The following PHF7 variants were observed in gnomAD, a reference collection of about 807,000 sequenced individuals.
PHF7 encodes E3 ubiquitin-protein ligase PHF7.
A neutral mutation model predicts 47.5 loss-of-function variants in PHF7; 24 were observed. That is an observed-to-expected ratio of 0.51 (90% CI 0.37 to 0.71). The LOEUF is 0.71. PHF7 is among the 30% of genes least tolerant of loss of function. PHF7 has a pLI of 0.00. For missense variants in PHF7, 361 were observed against 456.8 expected (o/e 0.79, Z 1.91); for synonymous variants, 156 against 153.8 (o/e 1.01, Z -0.11).
chr3:52,420,868 A>G, intron 6 of PHF7, 35 bp from the exon 7 acceptor site: 1 of 1,580,626 alleles, frequency 6.3e-7, no homozygotes, highest in Non-Finnish European at 8.6e-7. Context: ...TACATCAATG[A>G]CAAACCAGAA....
intron 10 of PHF7, 39 bp downstream of exon 10, chr3:52,422,920 G>C (rs1418439347): frequency 6.2e-7 from 1 of 1,613,004 alleles, no homozygotes; most frequent in Non-Finnish European, 8.5e-7. Context: ...GAGCAAGGAG[G>C]GGGCTGTAGG....
chr3:52,416,694 A>G (rs1298012508), intron 4 of PHF7, among the ~76,000 whole-genome samples: 2 of 151,266 alleles, frequency 1.3e-5, no homozygotes, highest in Non-Finnish European at 2.9e-5. Context: ...TTAGCCGGGC[A>G]TGGTGGCAGG....
At chr3:52,418,699 T>G (rs1057439796) in intron 4 of PHF7, among the ~76,000 whole-genome samples, 1 of 152,202 alleles carries the variant, frequency 6.6e-6, no homozygotes, top group African/African-American at 2.4e-5. Flanking sequence ...AATAGCCAGC[T>G]CTGCTCCTCC....
At chr3:52,420,654 TAGAC>T (rs1470286195) in intron 6 of PHF7, among the ~76,000 whole-genome samples, 5 of 152,204 alleles carry the variant, frequency 3.3e-5, no homozygotes, top group Admixed American at 1.3e-4. Flanking sequence ...CTGGGGTTCT[TAGAC>T]AGCTGCTCAG....
chr3:52,422,427 C>A, intron 9 of PHF7, 89 bp downstream of exon 9: 1 of 878,312 alleles, frequency 1.1e-6, no homozygotes, highest in Non-Finnish European at 1.9e-6. Flanking sequence ...AAGAAATTCA[C>A]TCTTGTATGC....
In PHF7 at chr3:52,420,438, G is replaced by A. The variant is rs113954162; in HGVS notation, c.413+3G>A. The A allele has an allele frequency of 6.2e-7, 1 of 1,614,036 alleles. No individual in the cohort carries two copies. Among genetic ancestry groups the A allele is most frequent in the Non-Finnish European group, 8.5e-7 (1 of 1,179,944 alleles). On this transcript the variant is annotated splice_donor_region_variant and intron_variant, in intron 6 of 10. Transcript: ENST00000327906. ...TCACAATTTTTTGGAGAGTACAAGT[G>A]AGTGAGGGAAGGGAAAAGTCTGGCT... is the stretch of plus-strand genomic sequence containing the variant.
intron 4 of PHF7, among the ~76,000 whole-genome samples, chr3:52,415,083 C>T (rs558909232): frequency 6.6e-6 from 1 of 152,290 alleles, no homozygotes; most frequent in East Asian, 1.9e-4. Context: ...AACAATGTTC[C>T]CAATCCTTCT....
At chr3:52,414,615 A>G (rs747411000) in intron 4 of PHF7, 28 bp downstream of exon 4, 2 of 1,319,988 alleles carry the variant, frequency 1.5e-6, no homozygotes, top group Admixed American at 3.4e-5. Flanking sequence ...TTTGCTTTGA[A>G]TATCCTATGG....
chr3:52,411,277 T>C (rs948632466), intron 1 of PHF7, 30 bp downstream of exon 1: 1 of 152,318 alleles, frequency 6.6e-6, no homozygotes, highest in African/African-American at 2.4e-5. Flanking sequence ...ATGGTCGGGG[T>C]AGCCCCAGTA....
chr3:52,412,677 T>G lies in PHF7; in HGVS notation c.-69-134T>G, dbSNP rs75798937. On this transcript the variant is annotated intron_variant, in intron 1 of 10. Coordinates refer to ENST00000327906, the MANE Select transcript of PHF7 (RefSeq NM_016483.7). ...TGGCGTGTTTGTGAGTTAACACATG[T>G]CAAGTACCTAGAACAGTCCCTTTTA... 5.3e-3 allele frequency: 3,059 copies of G among 577,508 alleles called. 12 individuals carry two copies. Among genetic ancestry groups the G allele is most frequent in the Non-Finnish European group, 6.6e-3 (2,133 of 324,112 alleles). The allele number at this position is 577,508 out of a possible 1,614,324, so 35.8% of individuals were successfully genotyped here. A position where few individuals can be genotyped will look rare whatever the true frequency, so the allele number is the denominator to read the frequency against.
rs1378205926 is a variant in PHF7 at position 52,421,209 on chromosome 3, G to T, written c.573+147G>T. On this transcript the variant is annotated intron_variant, in intron 7 of 10. Transcript: ENST00000327906. ...TGAGGGCTGGTTTCAGGCAGTTAGA[G>T]GAAAGTCAGTCCAGTCTGTGGTCAT... 6 of 672,980 alleles carry T rather than the reference G, an allele frequency of 8.9e-6. No homozygotes were observed. The East Asian group carries it at 1.7e-4, about 19-fold the overall frequency. The allele number at this position is 672,980 out of a possible 1,614,324, so 41.7% of individuals were successfully genotyped here. A position where few individuals can be genotyped will look rare whatever the true frequency, so the allele number is the denominator to read the frequency against.
chr3:52,414,648 C>T (rs1705566217), intron 4 of PHF7, 61 bp downstream of exon 4: 4 of 888,732 alleles, frequency 4.5e-6, no homozygotes, highest in South Asian at 4.3e-5. Flanking sequence ...TGACTGTTCT[C>T]TGTTACATTC....
chr3:52,412,697 C>G (rs1360867566), intron 1 of PHF7, 114 bp from the exon 2 acceptor site: 4 of 612,466 alleles, frequency 6.5e-6, no homozygotes, highest in Non-Finnish European at 1.2e-5. Context: ...AGAACAGTCC[C>G]TTTTATTCCA....
Position 52,423,174 on chromosome 3 carries a change from T to C in PHF7, c.1003T>C (p.Leu335=). The change falls in exon 11 of 11, where the codon TTG becomes CTG. Residue 335 remains leucine (L), a synonymous_variant. Coordinates refer to ENST00000327906, the MANE Select transcript of PHF7 (RefSeq NM_016483.7). ...GGAACATTTCTGCAGAGACAACACC[T>C]TGGAAGAGAATCCGGGCCTTTCTTG... ...PEEHFCRDNT[L]EENPGLSWTD... The C allele has an allele frequency of 1.9e-6, 3 of 1,614,008 alleles. No individual in the cohort carries two copies. Among genetic ancestry groups the C allele is most frequent in the Non-Finnish European group, 2.5e-6 (3 of 1,179,892 alleles).
intron 1 of PHF7, 135 bp from the exon 2 acceptor site, chr3:52,412,676 G>A: frequency 1.7e-6 from 1 of 576,496 alleles, no homozygotes; most frequent in Admixed American, 3.1e-5. Flanking sequence ...GTTAACACAT[G>A]TCAAGTACCT....
chr3:52,420,818 G>C (rs1033935324), intron 6 of PHF7, 85 bp from the exon 7 acceptor site: 8 of 1,234,514 alleles, frequency 6.5e-6, no homozygotes, highest in Non-Finnish European at 9.2e-6. Context: ...CACCAGCCTG[G>C]GTGGCTGGCT....
intron 4 of PHF7, among the ~76,000 whole-genome samples, chr3:52,416,960 T>G (rs995137700): frequency 6.6e-6 from 1 of 152,226 alleles, no homozygotes; most frequent in Non-Finnish European, 1.5e-5. Flanking sequence ...TGGCTTGCCT[T>G]TTCATTTTCT....
At chr3:52,415,806 T>C (rs922808067) in intron 4 of PHF7, among the ~76,000 whole-genome samples, 4 of 152,262 alleles carry the variant, frequency 2.6e-5, no homozygotes, top group Non-Finnish European at 5.9e-5. Context: ...CTGAATTGTT[T>C]CCATTTGAGG....
intron 4 of PHF7, among the ~76,000 whole-genome samples, chr3:52,418,999 T>C (rs1429790770): frequency 6.6e-6 from 1 of 152,016 alleles, no homozygotes; most frequent in Non-Finnish European, 1.5e-5. Context: ...GAGACAGGGT[T>C]TCACCATGTT....
Sources: gnomAD v4.1 joint callset for allele counts (sites outside exome capture counted in the v4.1 genomes callset) on GRCh38, gnomAD v4.1.1 for gene constraint, MANE v1.5 for transcripts, NCBI Gene and HGNC (gene_info 2026-07-23, HGNC 2026-07-21) for gene names.